Variants in PLCH2 observed in about 807,000 individuals in gnomAD.
PLCH2 encodes the protein 1-phosphatidylinositol 4,5-bisphosphate phosphodiesterase eta-2.
In PLCH2, 98 loss-of-function variants were observed where a neutral mutation model predicts 134.7. That is an observed-to-expected ratio of 0.73 (90% confidence interval 0.62 to 0.86). PLCH2 has a LOEUF of 0.86. Among genes scored for constraint, PLCH2 ranks in the 40% least tolerant of loss-of-function variants. The pLI is 0.00. For synonymous variants in PLCH2, 974 were observed against 827.5 expected, an observed-to-expected ratio of 1.18 and a Z score of -3.04; for missense variants, 1,994 against 1,986.6, an observed-to-expected ratio of 1.00 and a Z score of -0.07.
chr1:2,505,205 C>A lies in PLCH2; in HGVS notation c.4243C>A (p.Arg1415Ser), dbSNP rs545847028. The stretch of plus-strand genomic sequence containing the variant: ...GGCTGCTGAAAACCTGGTCCTGCTC[C>A]GCCTCTGACCGTCAGTGGTGGGAAC... ...SAAAENLVLLRL is the reference protein window; with the variant it reads ...SAAAENLVLLSL The change falls in exon 22 of 22, where the codon CGC (arginine) becomes AGC (serine). Residue 1415 changes from arginine (R) to serine (S), a missense_variant. Physicochemically the swap from Arg to Ser is moderately radical, Grantham distance 110. Coordinates refer to ENST00000378486, the MANE Select transcript of PLCH2 (RefSeq NM_014638.4). 2 of 1,568,584 alleles carry A rather than the reference C, an allele frequency of 1.3e-6. No individual in the cohort carries two copies. The highest frequency in any genetic ancestry group is 1.8e-5 in the Admixed American group (1 of 56,556).
Position 2,496,782 on chromosome 1 carries a change from C to T in PLCH2, c.1934-46C>T, listed in dbSNP as rs757756819. ...CCCTGCTATGCTGCTGGGCGCCGGG[C>T]GAGGTCGAGGACTGGCAGTCTGATG... On this transcript the variant is annotated intron_variant, in intron 14 of 21. Coordinates refer to ENST00000378486, the MANE Select transcript of PLCH2 (RefSeq NM_014638.4). 1.9e-5 allele frequency: 31 copies of T among 1,610,334 alleles called. No individual in the cohort carries two copies. In the African/African-American group the frequency reaches 2.3e-4, roughly 12 times the overall value.
chr1:2,435,085 G>A (rs1451018110), intron 2 of PLCH2, among the ~76,000 whole-genome samples: 2 of 152,210 alleles, frequency 1.3e-5, no homozygotes, highest in Non-Finnish European at 2.9e-5. Context: ...GGAGGCAGGT[G>A]CACTGACCTG....
intron 2 of PLCH2, among the ~76,000 whole-genome samples, chr1:2,455,238 C>G (rs940810161): frequency 1.3e-5 from 2 of 152,214 alleles, no homozygotes; most frequent in Non-Finnish European, 2.9e-5. Flanking sequence ...GGGCGGGCAC[C>G]TGGAACTGGA....
chr1:2,418,597 C>T, the PLCH2 span, among the ~76,000 whole-genome samples: 712 of 152,314 alleles, frequency 4.7e-3, 1 homozygote, highest in African/African-American at 0.012. Flanking sequence ...ATTTGATGCC[C>T]GATGGACAAT....
At chr1:2,470,031 C>CT (rs1448820286) in intron 1 of PLCH2, among the ~76,000 whole-genome samples, 1 of 152,238 alleles carries the variant, frequency 6.6e-6, no homozygotes, top group African/African-American at 2.4e-5. Context: ...ACAGGAGGCT[C>CT]TTTCAGCAGG....
chr1:2,491,162 T>C (rs1206654856), intron 10 of PLCH2, 30 bp from the exon 11 acceptor site: 3 of 1,601,982 alleles, frequency 1.9e-6, no homozygotes, highest in East Asian at 4.5e-5. Flanking sequence ...TCGGGACAGA[T>C]GCCAACAGGC....
chr1:2,469,787 C>T (rs1055719154), intron 1 of PLCH2, among the ~76,000 whole-genome samples: 7 of 152,190 alleles, frequency 4.6e-5, no homozygotes, highest in African/African-American at 1.2e-4. Context: ...GCGGGCCTCC[C>T]GTGTGGGGGC....
chr1:2,437,919 G>A (rs181403310), intron 2 of PLCH2, among the ~76,000 whole-genome samples: 76 of 152,306 alleles, frequency 5.0e-4, no homozygotes, highest in Admixed American at 8.5e-4. Flanking sequence ...GCCTCTCACC[G>A]CCTCCTCTTT....
intron 20 of PLCH2, 38 bp downstream of exon 20, chr1:2,499,758 G>A (rs370845538): frequency 2.0e-6 from 3 of 1,466,518 alleles, no homozygotes; most frequent in African/African-American, 1.4e-5. Flanking sequence ...TCATGGGGAG[G>A]GGCCACACCA....
chr1:2,463,149 A>C (rs1212185728), upstream of PLCH2, among the ~76,000 whole-genome samples: 1 of 152,088 alleles, frequency 6.6e-6, no homozygotes. Context: ...CACGATGAGG[A>C]GGCTGGGGTG....
At chr1:2,443,574 C>T (rs866335508) in intron 2 of PLCH2, among the ~76,000 whole-genome samples, 5 of 142,520 alleles carry the variant, frequency 3.5e-5, no homozygotes, top group Non-Finnish European at 6.2e-5. Flanking sequence ...TTGGCTGCGG[C>T]GGGCGCAGGG....
intron 10 of PLCH2, 110 bp from the exon 11 acceptor site, chr1:2,491,082 G>A (rs923384017): frequency 1.2e-5 from 13 of 1,088,278 alleles, no homozygotes; most frequent in African/African-American, 1.1e-4. Context: ...TGAATCACAC[G>A]CCTTCCCTGA....
At chr1:2,432,282 C>G (rs773642272) in intron 2 of PLCH2, among the ~76,000 whole-genome samples, 3 of 152,154 alleles carry the variant, frequency 2.0e-5, no homozygotes, top group Non-Finnish European at 4.4e-5. Context: ...GGGTCAGGTC[C>G]GCTTGGGAGT....
At position 2,504,935 on chromosome 1, in the gene PLCH2, G is replaced by A. The variant is rs756794330; in HGVS notation, c.3973G>A (p.Gly1325Arg). 2 of 1,568,994 alleles carry A rather than the reference G, an allele frequency of 1.3e-6. No homozygotes were observed. Among genetic ancestry groups the A allele is most frequent in the East Asian group, 2.3e-5 (1 of 43,098 alleles). Reference protein sequence around the residue: ...ITSPTSLGPAGEGVAGGPGFV... With the variant: ...ITSPTSLGPAREGVAGGPGFV... Reference sequence around the variant, plus strand: ...GTCACCCACCAGCCTGGGCCCGGCTGGGGAGGGGGTGGCAGGGGGCCCTGG... The same window carrying A: ...GTCACCCACCAGCCTGGGCCCGGCTAGGGAGGGGGTGGCAGGGGGCCCTGG... The change falls in exon 22 of 22, where the codon GGG (glycine) becomes AGG (arginine). Residue 1325 changes from glycine (G) to arginine (R), a missense_variant. This residue lies in a region of PLCH2 where 900 missense variants were observed against 752.3 expected (regional missense o/e 1.20). Coordinates refer to ENST00000378486, the MANE Select transcript of PLCH2 (RefSeq NM_014638.4).
chr1:2,502,005 A>C, intron 20 of PLCH2, 107 bp from the exon 21 acceptor site: 1 of 1,050,320 alleles, frequency 9.5e-7, no homozygotes, highest in Non-Finnish European at 1.3e-6. Context: ...TCGGACCGAG[A>C]CACGCATGGC....
rs1643490165 is a variant in PLCH2 at position 2,505,426 on chromosome 1, C to T, written c.*213C>T. On this transcript the variant is annotated 3_prime_UTR_variant, in exon 22 of 22. Coordinates refer to ENST00000378486, the MANE Select transcript of PLCH2 (RefSeq NM_014638.4). Reference sequence around the variant, plus strand: ...CCACAGGAGGGGCTTCGAGGCTGGCCCTGCCAGGCAGTTTTCCCGGCGTTT... The same window carrying T: ...CCACAGGAGGGGCTTCGAGGCTGGCTCTGCCAGGCAGTTTTCCCGGCGTTT... The T allele has an allele frequency of 1.6e-5, 9 of 564,738 alleles. No individual in the cohort carries two copies. In the Middle Eastern group the frequency reaches 1.4e-3, roughly 87 times the overall value. 35.0% of individuals were successfully genotyped at this position (564,738 alleles called of 1,614,324 possible). A position where few individuals can be genotyped will look rare whatever the true frequency, so the allele number is the denominator to read the frequency against.
Position 2,476,597 on chromosome 1 carries a change from TC to T in PLCH2, c.11del (p.Pro4HisfsTer53), listed in dbSNP as rs777923887. 6.4e-7 allele frequency: 1 copy of T among 1,568,794 alleles called. No homozygotes were observed. Among genetic ancestry groups the T allele is most frequent in the South Asian group, 1.2e-5 (1 of 85,784 alleles). On this transcript the variant is annotated frameshift_variant, in exon 1 of 22. Transcript: ENST00000378486. LOFTEE classifies it high-confidence loss of function. The stretch of plus-strand genomic sequence containing the variant: ...CCGGCTGTCGTCAGGCCATGTCTGG[TC>T]CATGGCCCTCCCCCGACAGCCGGAC... MSG[P>X]WPSPDSRTKG...
At chr1:2,456,646 C>T (rs949393150) in intron 2 of PLCH2, among the ~76,000 whole-genome samples, 4 of 152,156 alleles carry the variant, frequency 2.6e-5, no homozygotes, top group Non-Finnish European at 4.4e-5. Context: ...CGGCCTCCGT[C>T]GGCTTCCTGC....
intron 21 of PLCH2, chr1:2,503,640 A>T (rs984019639): frequency 1.3e-5 from 9 of 694,632 alleles, no homozygotes; most frequent in Non-Finnish European, 2.4e-5. Context: ...GCGGCGAGTG[A>T]CAGGTAACGG....
Sources: gnomAD v4.1 joint callset for allele counts (sites outside exome capture counted in the v4.1 genomes callset) on GRCh38, gnomAD v4.1.1 for gene constraint, gnomAD v4.1.1 regional missense constraint, MANE v1.5 for transcripts, NCBI Gene and HGNC (gene_info 2026-07-23, HGNC 2026-07-21) for gene names.